TANC1: variants seen among roughly 807,000 people sequenced by gnomAD.
TANC1 encodes tetratricopeptide repeat, ankyrin repeat and coiled-coil containing 1, also known as protein TANC1.
A neutral mutation model predicts 149.7 loss-of-function variants in TANC1; 77 were observed. The observed-to-expected ratio is 0.51, with a 90% CI of 0.43 to 0.62. The LOEUF (loss-of-function observed/expected upper bound fraction) is 0.62, where lower values mean the gene tolerates loss of function less well. Ranked by LOEUF, TANC1 falls within the 20% of genes least tolerant of loss-of-function variation. TANC1 has a pLI of 0.00. For synonymous variants in TANC1, 854 were observed against 925.0 expected (o/e 0.92, Z 1.39); for missense variants, 1,985 against 2,321.8 (o/e 0.85, Z 2.98).
chr2:159,185,864 C>G lies in TANC1; in HGVS notation c.2584C>G (p.Leu862Val). ...GKLNRQQTME[L>V]GHHILKAHIF... The stretch of plus-strand genomic sequence containing the variant: ...GTTGAACCGCCAGCAGACCATGGAG[C>G]TTGGCCACCACATCCTGAAGGCGCA... Residue 862 changes from leucine to valine, a missense_variant, in exon 15 of 27, where the codon CTT (leucine) becomes GTT (valine). Physicochemically the swap from Leu to Val is conservative, Grantham distance 32 (BLOSUM62 1). Coordinates refer to ENST00000263635, the MANE Select transcript of TANC1 (RefSeq NM_033394.3). 1 of 1,614,140 alleles carries G rather than the reference C, an allele frequency of 6.2e-7. No homozygotes were observed. Among genetic ancestry groups the G allele is most frequent in the Non-Finnish European group, 8.5e-7 (1 of 1,179,982 alleles).
intron 4 of TANC1, among the ~76,000 whole-genome samples, chr2:159,106,353 G>A (rs929868488): frequency 1.4e-4 from 21 of 152,194 alleles, no homozygotes; most frequent in Admixed American, 2.6e-4. Context: ...TGGTAACCAC[G>A]AGTCTACTTT....
intron 26 of TANC1, 125 bp downstream of exon 26, chr2:159,229,021 G>A: frequency 2.9e-6 from 2 of 686,258 alleles, no homozygotes; most frequent in Non-Finnish European, 5.1e-6. Flanking sequence ...TTTTAGTAGT[G>A]AATTAGTATT....
intron 2 of TANC1, among the ~76,000 whole-genome samples, chr2:159,029,467 C>G (rs772722550): frequency 6.6e-6 from 1 of 152,104 alleles, no homozygotes; most frequent in Admixed American, 6.5e-5. Context: ...TGGGTTCTTT[C>G]CTGTCTAGGC....
At chr2:159,058,032 C>T (rs1297673597) in intron 2 of TANC1, among the ~76,000 whole-genome samples, 3 of 152,178 alleles carry the variant, frequency 2.0e-5, no homozygotes, top group African/African-American at 7.2e-5. Flanking sequence ...CAGGGAACTC[C>T]TGCCTGTAAG....
intron 2 of TANC1, among the ~76,000 whole-genome samples, chr2:159,029,195 G>A (rs72936445): frequency 0.18 from 27,400 of 152,062 alleles, 3,351 homozygotes; most frequent in Non-Finnish European, 0.28. Context: ...TTTTTATGGC[G>A]GAATGATCCA....
At chr2:159,049,628 A>C (rs2041324217) in intron 2 of TANC1, among the ~76,000 whole-genome samples, 2 of 151,884 alleles carry the variant, frequency 1.3e-5, no homozygotes, top group Non-Finnish European at 1.5e-5. Context: ...GATAGTGAGG[A>C]CCTCCCCAGA....
At chr2:159,111,431 T>C (rs2047705123) in intron 4 of TANC1, among the ~76,000 whole-genome samples, 1 of 152,220 alleles carries the variant, frequency 6.6e-6, no homozygotes, top group Admixed American at 6.5e-5. Flanking sequence ...AGCCTTTGTG[T>C]CAGGTTACCC....
chr2:159,036,134 G>T, intron 2 of TANC1, among the ~76,000 whole-genome samples: 1 of 152,180 alleles, frequency 6.6e-6, no homozygotes, highest in Admixed American at 6.5e-5. Context: ...GCAGCTGGGA[G>T]ACGATTCCCT....
At chr2:159,196,141 T>A (rs1315657772) in intron 17 of TANC1, among the ~76,000 whole-genome samples, 1 of 152,052 alleles carries the variant, frequency 6.6e-6, no homozygotes, top group Non-Finnish European at 1.5e-5. Flanking sequence ...CCTTCCACAC[T>A]CAGCTGTTTT....
intron 3 of TANC1, among the ~76,000 whole-genome samples, chr2:159,070,858 C>G (rs1346792134): frequency 6.6e-6 from 1 of 152,186 alleles, no homozygotes; most frequent in Non-Finnish European, 1.5e-5. Context: ...CTAATTGCAG[C>G]TCATTATGGT....
intron 7 of TANC1, among the ~76,000 whole-genome samples, chr2:159,157,405 A>T (rs2053554334): frequency 6.6e-6 from 1 of 152,182 alleles, no homozygotes; most frequent in South Asian, 2.1e-4. Context: ...GGCCGGTTTC[A>T]TTGTGCAGGC....
intron 4 of TANC1, among the ~76,000 whole-genome samples, chr2:159,106,706 A>T (rs540908287): frequency 6.6e-6 from 1 of 152,238 alleles, no homozygotes; most frequent in African/African-American, 2.4e-5. Flanking sequence ...TTGTTGAATC[A>T]TATGGTAGTT....
intron 4 of TANC1, among the ~76,000 whole-genome samples, chr2:159,120,368 T>C (rs1559296683): frequency 6.6e-6 from 1 of 152,128 alleles, no homozygotes; most frequent in Non-Finnish European, 1.5e-5. Flanking sequence ...TTTATTTTTT[T>C]TTAATTTTTT....
intron 4 of TANC1, among the ~76,000 whole-genome samples, chr2:159,114,227 C>CA (rs906883866): frequency 3.9e-5 from 6 of 152,266 alleles, no homozygotes; most frequent in African/African-American, 1.2e-4. Context: ...ACCAAGCACC[C>CA]AACTGTCCTC....
chr2:159,150,248 ATT>A, intron 6 of TANC1, 120 bp from the exon 7 acceptor site: 1 of 697,402 alleles, frequency 1.4e-6, no homozygotes, highest in Non-Finnish European at 2.3e-6. Context: ...ATCTCTTTAG[ATT>A]TTTTTTTTAA....
At chr2:158,993,294 C>T (rs937740877) in intron 1 of TANC1, among the ~76,000 whole-genome samples, 1 of 152,106 alleles carries the variant, frequency 6.6e-6, no homozygotes, top group African/African-American at 2.4e-5. Flanking sequence ...GGTGGGATCT[C>T]GTTCTGTCAG....
At chr2:158,973,631 G>A (rs2033218722) in intron 1 of TANC1, among the ~76,000 whole-genome samples, 1 of 152,226 alleles carries the variant, frequency 6.6e-6, no homozygotes, top group Non-Finnish European at 1.5e-5. Context: ...ATAAAATGGG[G>A]CTGTGGGGAG....
intron 4 of TANC1, among the ~76,000 whole-genome samples, chr2:159,106,886 G>C (rs2047240063): frequency 6.6e-6 from 1 of 152,130 alleles, no homozygotes; most frequent in Non-Finnish European, 1.5e-5. Context: ...TCTCATTGTA[G>C]GTTTATTAAG....
intron 1 of TANC1, among the ~76,000 whole-genome samples, chr2:158,978,442 G>A (rs2033937039): frequency 6.6e-6 from 1 of 152,146 alleles, no homozygotes. Flanking sequence ...CTTTCACATG[G>A]GAACACTGAC....
Sources: allele counts gnomAD v4.1 joint callset (sites outside exome capture counted in the v4.1 genomes callset), GRCh38; gene constraint gnomAD v4.1.1; transcripts MANE v1.5; gene names NCBI Gene and HGNC (gene_info 2026-07-23, HGNC 2026-07-21).